Variants in ITGAM observed in about 807,000 individuals in gnomAD.
ITGAM encodes the protein integrin subunit alpha M.
In ITGAM, 79 loss-of-function variants were observed where a neutral mutation model predicts 137.5. The ratio of observed to expected loss-of-function variants is 0.57; its 90% CI spans 0.48 to 0.69. The LOEUF (loss-of-function observed/expected upper bound fraction) is 0.69, where lower values mean the gene tolerates loss of function less well. Ranked by LOEUF, ITGAM falls within the 30% of genes least tolerant of loss-of-function variation. ITGAM has a pLI of 0.00. For synonymous variants in ITGAM, 583 were observed against 592.3 expected, an observed-to-expected ratio of 0.98 and a Z score of 0.23; for missense variants, 1,343 against 1,483.5, an observed-to-expected ratio of 0.91 and a Z score of 1.56.
At chr16:31,288,384 A>T (rs1323660715) in intron 12 of ITGAM, among the ~76,000 whole-genome samples, 1 of 152,182 alleles carries the variant, frequency 6.6e-6, no homozygotes, top group East Asian at 1.9e-4. Context: ...GCACTATTGT[A>T]AATTGTACTG....
intron 12 of ITGAM, among the ~76,000 whole-genome samples, chr16:31,283,369 A>G (rs932898348): frequency 9.9e-5 from 15 of 152,154 alleles, no homozygotes; most frequent in African/African-American, 3.6e-4. Flanking sequence ...TCAGACGTAG[A>G]TTTGGTCTTT....
At chr16:31,276,120 A>G (rs1168881471) in intron 9 of ITGAM, among the ~76,000 whole-genome samples, 2 of 152,168 alleles carry the variant, frequency 1.3e-5, no homozygotes, top group East Asian at 1.9e-4. Flanking sequence ...GTCTGGGTTT[A>G]TGGCTTATCT....
chr16:31,288,167 A>C (rs990997901), intron 12 of ITGAM, among the ~76,000 whole-genome samples: 248 of 152,114 alleles, frequency 1.6e-3, no homozygotes, highest in Middle Eastern at 6.8e-3. Flanking sequence ...AATGGAATGG[A>C]GGGTCAGAAT....
At chr16:31,310,663 G>C (rs140099409) in intron 14 of ITGAM, among the ~76,000 whole-genome samples, 361 of 140,308 alleles carry the variant, frequency 2.6e-3, no homozygotes, top group Non-Finnish European at 3.6e-3. Context: ...GCTCAGAGTA[G>C]TTTGATCTTC....
intron 12 of ITGAM, among the ~76,000 whole-genome samples, chr16:31,286,164 G>A (rs980730956): frequency 4.0e-5 from 6 of 150,198 alleles, no homozygotes; most frequent in East Asian, 1.9e-4. Context: ...CCATGTTGCC[G>A]CAAAGGATGT....
intron 7 of ITGAM, 112 bp downstream of exon 7, chr16:31,272,104 G>A (rs564964244): frequency 4.9e-6 from 6 of 1,230,704 alleles, no homozygotes; most frequent in South Asian, 2.6e-5. Context: ...CTTCCCCACC[G>A]GCAGAGGTGG....
intron 12 of ITGAM, among the ~76,000 whole-genome samples, chr16:31,284,087 A>G (rs2080000343): frequency 6.6e-6 from 1 of 152,134 alleles, no homozygotes; most frequent in Non-Finnish European, 1.5e-5. Context: ...CTTCCTCTGG[A>G]AGCTTCGTTG....
intron 5 of ITGAM, among the ~76,000 whole-genome samples, chr16:31,267,917 C>A (rs749252602): frequency 3.2e-4 from 49 of 152,076 alleles, no homozygotes; most frequent in Admixed American, 2.3e-3. Context: ...GTGCTGGGAT[C>A]ACAGGTGTGA....
At chr16:31,263,402 G>A (rs2079727265) in intron 2 of ITGAM, among the ~76,000 whole-genome samples, 1 of 152,208 alleles carries the variant, frequency 6.6e-6, no homozygotes, top group Non-Finnish European at 1.5e-5. Flanking sequence ...GCATGAGCAC[G>A]TGCAATTTTA....
At chr16:31,273,704 C>A in intron 8 of ITGAM, 186 bp downstream of exon 8, 1 of 549,596 alleles carries the variant, frequency 1.8e-6, no homozygotes, top group Non-Finnish European at 3.1e-6. Context: ...AATTCAGCAG[C>A]TTAAAATAAT....
intron 11 of ITGAM, among the ~76,000 whole-genome samples, 173 bp from the exon 12 acceptor site, chr16:31,277,794 G>T (rs1293224597): frequency 6.6e-6 from 1 of 152,108 alleles, no homozygotes; most frequent in African/African-American, 2.4e-5. Context: ...CACCCGGCCA[G>T]AAACTTCTAA....
At chr16:31,307,857 AG>A (rs1223091878) in intron 14 of ITGAM, among the ~76,000 whole-genome samples, 2 of 152,138 alleles carry the variant, frequency 1.3e-5, no homozygotes, top group Non-Finnish European at 2.9e-5. Context: ...TTTAGCATGA[AG>A]GGTTGTTGAA....
At chr16:31,302,451 C>G (rs1303200051) in intron 14 of ITGAM, among the ~76,000 whole-genome samples, 1 of 83,018 alleles carries the variant, frequency 1.2e-5, no homozygotes, top group Non-Finnish European at 2.2e-5. Flanking sequence ...TTCTTTCTTT[C>G]TTCCTTCCTT....
intron 3 of ITGAM, 110 bp downstream of exon 3, chr16:31,265,608 C>G: frequency 1.3e-6 from 1 of 793,836 alleles, no homozygotes; most frequent in Non-Finnish European, 2.0e-6. Flanking sequence ...AGGTGCCTGC[C>G]TCCGTACCCT....
At chr16:31,297,291 C>T (rs889014561) in intron 12 of ITGAM, among the ~76,000 whole-genome samples, 6 of 152,090 alleles carry the variant, frequency 3.9e-5, no homozygotes, top group Admixed American at 1.3e-4. Context: ...TTCAGCCCCC[C>T]GAGGAGCTGG....
intron 14 of ITGAM, among the ~76,000 whole-genome samples, chr16:31,308,928 G>A (rs1327784238): frequency 7.1e-6 from 1 of 140,464 alleles, no homozygotes; most frequent in African/African-American, 2.7e-5. Flanking sequence ...TCCTTCAGGA[G>A]CAGGTTGTTC....
At chr16:31,275,817 T>G in intron 9 of ITGAM, 118 bp downstream of exon 9, 2 of 923,570 alleles carry the variant, frequency 2.2e-6, no homozygotes, top group Non-Finnish European at 3.2e-6. Context: ...ATCAACTCTC[T>G]CCACTTCCTA....
chr16:31,299,765 T>TCCTCCTCC (rs1555468128), intron 14 of ITGAM, among the ~76,000 whole-genome samples: 1 of 121,710 alleles, frequency 8.2e-6, no homozygotes, highest in Non-Finnish European at 1.6e-5. Flanking sequence ...CCTCCTCCTC[T>TCCTCCTCC]TCCTCCTCCT....
intron 5 of ITGAM, among the ~76,000 whole-genome samples, chr16:31,270,167 C>T (rs1382956406): frequency 5.1e-5 from 2 of 38,844 alleles, no homozygotes; most frequent in Non-Finnish European, 7.5e-5. Flanking sequence ...CCTTTCCTTT[C>T]CTTTCCTTTC....
Sources: gnomAD v4.1 joint callset for allele counts (sites outside exome capture counted in the v4.1 genomes callset) on GRCh38, gnomAD v4.1.1 for gene constraint, MANE v1.5 for transcripts, NCBI Gene and HGNC (gene_info 2026-07-23, HGNC 2026-07-21) for gene names.